The following DOCK8 variants were observed in gnomAD, a reference collection of about 807,000 sequenced individuals.
DOCK8 encodes dedicator of cytokinesis 8.
A neutral mutation model predicts 245.6 loss-of-function variants in DOCK8; 141 were observed. The observed-to-expected ratio is 0.57, with a 90% CI of 0.50 to 0.66. The LOEUF (loss-of-function observed/expected upper bound fraction) is 0.66. DOCK8 is among the 30% of genes least tolerant of loss of function. DOCK8 has a pLI of 0.00. For missense variants in DOCK8, 2,965 were observed against 2,603.4 expected, an observed-to-expected ratio of 1.14 and a Z score of -3.02; for synonymous variants, 1,168 against 970.2, an observed-to-expected ratio of 1.20 and a Z score of -3.79.
chr9:443,569 C>A, intron 43 of DOCK8, 53 bp downstream of exon 43: 1 of 1,409,836 alleles, frequency 7.1e-7, no homozygotes, highest in Non-Finnish European at 1.0e-6. Context: ...CCTTCGTTCT[C>A]TACCCAAGAA....
At chr9:282,399 T>G in intron 2 of DOCK8, among the ~76,000 whole-genome samples, 1 of 147,346 alleles carries the variant, frequency 6.8e-6, no homozygotes, top group Non-Finnish European at 1.5e-5. Flanking sequence ...CAAGTTTGCT[T>G]TTTGTTTCGT....
intron 18 of DOCK8, among the ~76,000 whole-genome samples, chr9:374,241 G>T (rs1298204764): frequency 6.6e-6 from 1 of 152,134 alleles, no homozygotes; most frequent in Non-Finnish European, 1.5e-5. Context: ...TGTCTGATAA[G>T]ATAGCCACTA....
intron 2 of DOCK8, among the ~76,000 whole-genome samples, chr9:276,155 T>C (rs1455228305): frequency 6.6e-6 from 1 of 152,200 alleles, no homozygotes; most frequent in Non-Finnish European, 1.5e-5. Context: ...CCTCCCAAAG[T>C]GCTGGGATTA....
At position 404,925 on chromosome 9, in the gene DOCK8, C is replaced by T. The variant is rs1379222806; in HGVS notation, c.3242C>T (p.Ala1081Val). 1 of 1,614,036 alleles carries T rather than the reference C, an allele frequency of 6.2e-7. No individual in the cohort carries two copies. Among genetic ancestry groups the T allele is most frequent in the Non-Finnish European group, 8.5e-7 (1 of 1,180,020 alleles). ...LIRHYCSQLS[A>V]KLSNLPTLIS... Reference sequence around the variant, plus strand: ...TTTCATTTTTCTTCCCAGCTGTCAGCCAAGCTCAGTAACCTTCCAACGCTC... The same window carrying T: ...TTTCATTTTTCTTCCCAGCTGTCAGTCAAGCTCAGTAACCTTCCAACGCTC... Residue 1081 changes from alanine to valine, a missense_variant, in exon 27 of 48, where the codon GCC (alanine) becomes GTC (valine). Around this residue, in one of 3 missense-constraint regions of DOCK8, gnomAD observed 2,825 missense variants for 2,453.5 expected, o/e 1.15. Transcript: ENST00000432829.
chr9:258,992 C>T (rs2047850413), intron 1 of DOCK8, among the ~76,000 whole-genome samples: 1 of 124,768 alleles, frequency 8.0e-6, no homozygotes, highest in African/African-American at 2.9e-5. Context: ...ACAGCACAAA[C>T]ATTTTAGAAA....
rs998884547 is a variant in DOCK8 at position 400,244 on chromosome 9, C to T, written c.3234+985C>T. On this transcript the variant is annotated intron_variant, in intron 26 of 47. Transcript: ENST00000432829. ...ACCACCACCTCCACCATCACCACCA[C>T]CTCCACCATCACCACCACCTCCACC... Among the ~76,000 whole-genome samples the T allele has an allele frequency of 6.6e-5, 6 of 90,672 alleles. 1 individual carries two copies. Among genetic ancestry groups the T allele is most frequent in the South Asian group, 3.8e-4 (1 of 2,616 alleles). The allele number at this position is 90,672 out of a possible 152,430, so 59.5% of individuals were successfully genotyped here.
chr9:236,452 G>A (rs1055491041), intron 1 of DOCK8, among the ~76,000 whole-genome samples: 1 of 152,154 alleles, frequency 6.6e-6, no homozygotes, highest in Non-Finnish European at 1.5e-5. Flanking sequence ...TTAGAATGAA[G>A]GGGCTAGTGC....
At chr9:261,129 A>G (rs904423679) in intron 1 of DOCK8, among the ~76,000 whole-genome samples, 13 of 151,968 alleles carry the variant, frequency 8.6e-5, no homozygotes, top group Admixed American at 5.2e-4. Context: ...TTGTCTATGC[A>G]GAGGGAACTG....
chr9:305,084 T>C (rs2049755513), intron 5 of DOCK8, among the ~76,000 whole-genome samples: 2 of 152,146 alleles, frequency 1.3e-5, no homozygotes, highest in African/African-American at 4.8e-5. Context: ...TACCATGTAC[T>C]AACTCTCTAA....
intron 4 of DOCK8, among the ~76,000 whole-genome samples, chr9:292,748 A>T (rs561007152): frequency 1.3e-5 from 2 of 152,150 alleles, no homozygotes; most frequent in Non-Finnish European, 2.9e-5. Flanking sequence ...AATTTTCAAC[A>T]TTCAGAATTA....
Position 420,536 on chromosome 9 carries a change from A to G in DOCK8, c.3976A>G (p.Arg1326Gly). 1 of 1,614,192 alleles carries G rather than the reference A, an allele frequency of 6.2e-7. No individual in the cohort carries two copies. The highest frequency in any genetic ancestry group is 8.5e-7 in the Non-Finnish European group (1 of 1,180,038). Residue 1326 changes from arginine to glycine, a missense_variant, in exon 31 of 48, where the codon AGG becomes GGG. Physicochemically the swap from Arg to Gly is moderately radical, Grantham distance 125. This residue lies in a region of DOCK8 where 2,825 missense variants were observed against 2,453.5 expected (regional missense o/e 1.15). Coordinates refer to ENST00000432829, the MANE Select transcript of DOCK8 (RefSeq NM_203447.4). ...TGACCTGCCATCAACGCAGCTCAAC[A>G]GGATTTTAGATCTACTTTTCATCTG... Reference protein sequence around the residue: ...IADLPSTQLNRILDLLFICVL... With the variant: ...IADLPSTQLNGILDLLFICVL...
intron 18 of DOCK8, among the ~76,000 whole-genome samples, chr9:372,911 T>C (rs534073903): frequency 6.6e-6 from 1 of 152,272 alleles, no homozygotes; most frequent in East Asian, 1.9e-4. Context: ...GTGCCTGTAA[T>C]CCCAGCACTT....
At chr9:398,645 C>T (rs1057320272) in intron 25 of DOCK8, among the ~76,000 whole-genome samples, 1 of 152,154 alleles carries the variant, frequency 6.6e-6, no homozygotes, top group African/African-American at 2.4e-5. Context: ...ACTCTGACCT[C>T]TCTTAGGCTG....
At chr9:270,135 G>A (rs979082122) in intron 1 of DOCK8, among the ~76,000 whole-genome samples, 31 of 152,170 alleles carry the variant, frequency 2.0e-4, no homozygotes, top group African/African-American at 6.3e-4. Context: ...ACGGCTAGTA[G>A]AATACTTACT....
chr9:307,758 T>A (rs2049915449), intron 5 of DOCK8, among the ~76,000 whole-genome samples: 1 of 152,156 alleles, frequency 6.6e-6, no homozygotes, highest in Admixed American at 6.6e-5. Context: ...AAGAGACATC[T>A]GCACTCCCAT....
At chr9:440,915 T>G (rs1268943503) in intron 40 of DOCK8, among the ~76,000 whole-genome samples, 2 of 152,106 alleles carry the variant, frequency 1.3e-5, no homozygotes, top group Non-Finnish European at 2.9e-5. Flanking sequence ...TTAATTTTTT[T>G]GCAGAGATGG....
intron 16 of DOCK8, among the ~76,000 whole-genome samples, chr9:370,770 A>T (rs890658236): frequency 4.6e-5 from 7 of 152,040 alleles, no homozygotes; most frequent in African/African-American, 1.7e-4. Flanking sequence ...TGCCCACCCT[A>T]TTATTCATGT....
At chr9:407,813 C>A (rs1382078405) in intron 28 of DOCK8, among the ~76,000 whole-genome samples, 2 of 152,142 alleles carry the variant, frequency 1.3e-5, no homozygotes, top group Non-Finnish European at 2.9e-5. Flanking sequence ...TAGAGTACAT[C>A]AGAGATATAT....
chr9:271,331 C>A (rs1361143558), intron 1 of DOCK8, among the ~76,000 whole-genome samples: 3 of 152,166 alleles, frequency 2.0e-5, no homozygotes, highest in African/African-American at 7.2e-5. Flanking sequence ...GAGAAGGAGT[C>A]AAATGCCCTG....
Sources: allele counts gnomAD v4.1 joint callset (sites outside exome capture counted in the v4.1 genomes callset), GRCh38; gene constraint gnomAD v4.1.1; regional missense constraint gnomAD v4.1.1; transcripts MANE v1.5; gene names NCBI Gene and HGNC (gene_info 2026-07-23, HGNC 2026-07-21).